The following CLTC variants were observed in gnomAD, a reference collection of about 807,000 sequenced individuals.
CLTC encodes clathrin heavy chain.
In CLTC, 16 loss-of-function variants were observed where a neutral mutation model predicts 195.8. The ratio of observed to expected loss-of-function variants is 0.08; its 90% CI spans 0.06 to 0.12. The LOEUF (loss-of-function observed/expected upper bound fraction) is 0.12. CLTC is among the 10% of genes least tolerant of loss of function. The probability of loss-of-function intolerance (pLI) is 1.00; values close to 1 mark genes in which losing one functional copy is unlikely to be tolerated. For synonymous variants in CLTC, 667 were observed against 689.4 expected (o/e 0.97, Z 0.51); for missense variants, 796 against 2,027.0 (o/e 0.39, Z 11.66).
rs2033189794 is a variant in CLTC, at chr17:59,686,574, C to G, written c.4827+766C>G. Among the ~76,000 whole-genome samples the G allele has an allele frequency of 2.0e-5, 3 of 152,102 alleles. No homozygotes were observed. The South Asian group carries it at 6.2e-4, about 32-fold the overall frequency. ...ACAACCCCTCCCATACTGAATTTTTCCTCAGGATACCATTTAATTAGATAC... is the reference window on the plus strand; with the variant it reads ...ACAACCCCTCCCATACTGAATTTTTGCTCAGGATACCATTTAATTAGATAC... On this transcript the variant is annotated intron_variant, in intron 30 of 31. Transcript: ENST00000269122.
At chr17:59,630,263 A>G (rs537845365) in intron 1 of CLTC, among the ~76,000 whole-genome samples, 2 of 152,284 alleles carry the variant, frequency 1.3e-5, no homozygotes, top group South Asian at 2.1e-4. Context: ...CGGCCTCCCA[A>G]AGTGCTGGGA....
At position 59,667,012 on chromosome 17, in the gene CLTC, C is replaced by T. The variant is rs539264118; in HGVS notation, c.2128+35C>T. On this transcript the variant is annotated intron_variant, in intron 13 of 31. Coordinates refer to ENST00000269122, the MANE Select transcript of CLTC (RefSeq NM_004859.4). ...AGTTTTTGAGTTTTTAAAAAAAGTA[C>T]TTAAGGTAGCCAAGAAGAGGTATGC... is the stretch of plus-strand genomic sequence containing the variant. The T allele has an allele frequency of 3.2e-6, 5 of 1,543,538 alleles. No homozygotes were observed. In the African/African-American group the frequency reaches 4.1e-5, roughly 13 times the overall value.
chr17:59,684,152 A>C (rs1416772408), intron 28 of CLTC, 167 bp downstream of exon 28: 5 of 567,300 alleles, frequency 8.8e-6, no homozygotes, highest in Non-Finnish European at 1.6e-5. Flanking sequence ...ATTAAGTGCC[A>C]AGTTTTCAGA....
intron 15 of CLTC, among the ~76,000 whole-genome samples, chr17:59,674,273 C>CA (rs2032918421): frequency 6.6e-6 from 1 of 152,148 alleles, no homozygotes; most frequent in Non-Finnish European, 1.5e-5. Flanking sequence ...GACTCCAAAG[C>CA]AGAGTTTTCA....
Position 59,660,537 on chromosome 17 carries a change from T to A in CLTC, c.1116T>A (p.Phe372Leu). Residue 372 changes from phenylalanine to leucine, a missense_variant, in exon 7 of 32, where the codon TTT becomes TTA. Physicochemically the swap from Phe to Leu is conservative, Grantham distance 22 (BLOSUM62 0). Transcript: ENST00000269122. ...TTGCCCGGAAATTTAATGCTCTTTTTGCCCAGGGAAATTACTCGGAGGCAG... is the reference window on the plus strand; with the variant it reads ...TTGCCCGGAAATTTAATGCTCTTTTAGCCCAGGGAAATTACTCGGAGGCAG... ...ELFARKFNAL[F>L]AQGNYSEAAK... is the part of the protein sequence containing the mutation. The A allele has an allele frequency of 6.2e-7, 1 of 1,614,180 alleles. No individual in the cohort carries two copies. Among genetic ancestry groups the A allele is most frequent in the African/African-American group, 1.3e-5 (1 of 75,062 alleles).
chr17:59,677,389 TA>T (rs1013216510), intron 17 of CLTC, among the ~76,000 whole-genome samples: 1 of 152,230 alleles, frequency 6.6e-6, no homozygotes, highest in Non-Finnish European at 1.5e-5. Context: ...ATTGACTTGC[TA>T]ATGTTTTAAC....
chr17:59,674,776 T>C lies in CLTC; in HGVS notation c.2494T>C (p.Leu832=). Residue 832 remains leucine (L), a synonymous_variant, in exon 16 of 32, where the codon TTG becomes CTG. Transcript: ENST00000269122. ...VDCSEDVIKN[L]ILVVRGQFST... is the part of the protein sequence containing the mutation. ...CTGTTCTGAAGATGTCATAAAAAAC[T>C]TGATTCTTGTTGTAAGAGGTCAATT... is the stretch of plus-strand genomic sequence containing the variant. 3 of 1,613,522 alleles carry C rather than the reference T, an allele frequency of 1.9e-6. No individual in the cohort carries two copies. Among genetic ancestry groups the C allele is most frequent in the Non-Finnish European group, 2.5e-6 (3 of 1,179,688 alleles).
chr17:59,696,427 A>AAAT lies in CLTC; in HGVS notation c.*2576_*2578dup, dbSNP rs2033426306. 2 of 217,134 alleles carry AAAT rather than the reference A, an allele frequency of 9.2e-6. No homozygotes were observed. The highest frequency in any genetic ancestry group is 1.9e-5 in the Non-Finnish European group (2 of 107,984). 13.5% of individuals were successfully genotyped at this position (217,134 alleles called of 1,614,324 possible). A position where few individuals can be genotyped will look rare whatever the true frequency, so the allele number is the denominator to read the frequency against. ...AACCATAGAGAGGTGGAGCCACTTA[A>AAAT]AATGGGCCTATTACCAAAATTCTCC... is the stretch of plus-strand genomic sequence containing the variant. On this transcript the variant is annotated 3_prime_UTR_variant, in exon 32 of 32. Transcript: ENST00000269122.
intron 2 of CLTC, among the ~76,000 whole-genome samples, chr17:59,645,860 C>G (rs1263174923): frequency 1.7e-5 from 1 of 57,410 alleles, no homozygotes; most frequent in Non-Finnish European, 5.1e-5. Flanking sequence ...GGGTATTAAG[C>G]TTCCTTCAGA....
chr17:59,645,975 T>A, intron 2 of CLTC: 1 of 756,544 alleles, frequency 1.3e-6, no homozygotes, highest in Non-Finnish European at 1.6e-6. Flanking sequence ...TTAATGTTAT[T>A]GTTATCTTAT....
chr17:59,641,955 T>C (rs2032048027), intron 1 of CLTC, among the ~76,000 whole-genome samples: 1 of 151,222 alleles, frequency 6.6e-6, no homozygotes, highest in Non-Finnish European at 1.5e-5. Context: ...CCCAAAGTGC[T>C]GGGATTATAG....
At chr17:59,688,643 T>G (rs2033234349) in intron 30 of CLTC, among the ~76,000 whole-genome samples, 1 of 152,182 alleles carries the variant, frequency 6.6e-6, no homozygotes, top group Non-Finnish European at 1.5e-5. Flanking sequence ...TTCAGAATTC[T>G]TCCCCCTACG....
In CLTC at chr17:59,683,969, CAGA is replaced by C; in HGVS notation, c.4425_4427del (p.Glu1475del). ...GAATCATTGAACAATCTTTTTATTA[CAGA>C]AGAAGATTATCAGGTAAAACCTTTT... On this transcript the variant is annotated inframe_deletion, in exon 28 of 32. Coordinates refer to ENST00000269122, the MANE Select transcript of CLTC (RefSeq NM_004859.4). The surrounding 1 kb of genome is among the most constrained non-coding windows in gnomAD (Gnocchi z 6.1). The C allele has an allele frequency of 6.3e-7, 1 of 1,586,416 alleles. No homozygotes were observed. The highest frequency in any genetic ancestry group is 8.7e-7 in the Non-Finnish European group (1 of 1,154,950).
chr17:59,685,094 C>T lies in CLTC; in HGVS notation c.4473C>T (p.Asp1491=). ...RTSIDAYDNF[D]NISLAQRLEK... is the part of the protein sequence containing the mutation. ...CAATAGATGCTTATGACAACTTTGA[C>T]AATATCTCGCTTGCTCAGCGTTTGG... Residue 1491 remains aspartate (D), a synonymous_variant, in exon 29 of 32, where the codon GAC becomes GAT. Coordinates refer to ENST00000269122, the MANE Select transcript of CLTC (RefSeq NM_004859.4). This position sits in a 1 kb window ranked among gnomAD's most constrained non-coding sequence, Gnocchi z 5.0. The T allele has an allele frequency of 6.3e-7, 1 of 1,599,024 alleles. No homozygotes were observed. Among genetic ancestry groups the T allele is most frequent in the Non-Finnish European group, 8.5e-7 (1 of 1,170,116 alleles).
At chr17:59,640,491 G>A (rs992977823) in intron 1 of CLTC, among the ~76,000 whole-genome samples, 1 of 151,818 alleles carries the variant, frequency 6.6e-6, no homozygotes, top group African/African-American at 2.4e-5. Flanking sequence ...CCGCCTCCCG[G>A]GTACAAGCGA....
At chr17:59,688,196 C>A (rs1410963181) in intron 30 of CLTC, among the ~76,000 whole-genome samples, 1 of 152,162 alleles carries the variant, frequency 6.6e-6, no homozygotes, top group Non-Finnish European at 1.5e-5. Context: ...TTTTGAAACT[C>A]TTATAGCATT....
Position 59,648,525 on chromosome 17 carries a change from G to C in CLTC, c.681+124G>C. 2.1e-6 allele frequency: 2 copies of C among 949,532 alleles called. No individual in the cohort carries two copies. The highest frequency in any genetic ancestry group is 2.5e-5 in the Admixed American group (1 of 39,656). The allele number at this position is 949,532 out of a possible 1,614,324, so 58.8% of individuals were successfully genotyped here. A position where few individuals can be genotyped will look rare whatever the true frequency, so the allele number is the denominator to read the frequency against. On this transcript the variant is annotated intron_variant, in intron 4 of 31. Coordinates refer to ENST00000269122, the MANE Select transcript of CLTC (RefSeq NM_004859.4). The surrounding 1 kb of genome is among the most constrained non-coding windows in gnomAD (Gnocchi z 4.5). ...AGTAATTTTAGTATTCACATTTGTG[G>C]TGACTTAATTTGTTCAAATTTTGCA...
chr17:59,669,673 G>C (rs1350562032), intron 14 of CLTC, among the ~76,000 whole-genome samples: 2 of 152,094 alleles, frequency 1.3e-5, no homozygotes, highest in Non-Finnish European at 2.9e-5. Context: ...GAAAACTACA[G>C]AACACTTAGA....
At chr17:59,663,821 A>G (rs765144640) in intron 8 of CLTC, 21 bp from the exon 9 acceptor site, 2 of 1,604,378 alleles carry the variant, frequency 1.2e-6, no homozygotes, top group South Asian at 1.1e-5. Context: ...TCACTAAACA[A>G]TCTCTTTTTC....
Sources: gnomAD v4.1 joint callset for allele counts (sites outside exome capture counted in the v4.1 genomes callset) on GRCh38, gnomAD v4.1.1 for gene constraint, Gnocchi (gnomAD v3.1) non-coding constraint, MANE v1.5 for transcripts, NCBI Gene and HGNC (gene_info 2026-07-23, HGNC 2026-07-21) for gene names.